The following MEIG1 variants were observed in gnomAD, a reference collection of about 807,000 sequenced individuals.
MEIG1 encodes the protein meiosis expressed gene 1 protein homolog.
MEIG1 carries 12 observed loss-of-function variants against 11.3 expected under a neutral mutation model. That is an observed-to-expected ratio of 1.07 (90% CI 0.68 to 1.73). MEIG1 has a LOEUF of 1.73. Among genes scored for constraint, MEIG1 ranks in the 40% most tolerant of loss-of-function variants. MEIG1 has a pLI of 0.00. For synonymous variants in MEIG1, 41 were observed against 33.2 expected, an observed-to-expected ratio of 1.24 and a Z score of -0.81; for missense variants, 119 against 104.9, an observed-to-expected ratio of 1.13 and a Z score of -0.59.
rs773670620 is a variant in MEIG1 at position 14,966,491 on chromosome 10, C to T, written c.23C>T (p.Pro8Leu). MASSDVK[P>L]KSVSHAKKWS... ...ACCATGGCTAGTTCTGACGTAAAAC[C>T]AAAATCAGTAAGTCATGCCAAAAAA... The change falls in exon 2 of 3, where the codon CCA becomes CTA. Residue 8 changes from proline (P) to leucine (L), a missense_variant. Physicochemically the swap from Pro to Leu is moderately conservative, Grantham distance 98 (BLOSUM62 -3). Coordinates refer to ENST00000407572, the MANE Select transcript of MEIG1 (RefSeq NM_001080836.3). 1 of 1,608,822 alleles carries T rather than the reference C, an allele frequency of 6.2e-7. No homozygotes were observed. Among genetic ancestry groups the T allele is most frequent in the Non-Finnish European group, 8.5e-7 (1 of 1,178,074 alleles).
downstream of MEIG1, among the ~76,000 whole-genome samples, chr10:14,974,677 GATA>G (rs936292665): frequency 8.6e-5 from 13 of 151,944 alleles, no homozygotes; most frequent in East Asian, 3.9e-4. Context: ...AATCAATAGC[GATA>G]ATAATGATAA....
chr10:14,966,308 T>C (rs4237442), intron 1 of MEIG1, 132 bp from the exon 2 acceptor site: 333,430 of 436,522 alleles, frequency 0.76, 128,335 homozygotes, highest in African/African-American at 0.92. Context: ...ATGATCCACC[T>C]GCCTCAGCCT....
At chr10:14,963,822 G>T (rs1843044189) in intron 1 of MEIG1, among the ~76,000 whole-genome samples, 1 of 152,196 alleles carries the variant, frequency 6.6e-6, no homozygotes, top group Non-Finnish European at 1.5e-5. Context: ...AATTTGGCAA[G>T]GCGTGGTGGC....
chr10:14,963,697 G>A (rs1843042188), intron 1 of MEIG1, among the ~76,000 whole-genome samples: 1 of 152,144 alleles, frequency 6.6e-6, no homozygotes, highest in South Asian at 2.1e-4. Flanking sequence ...GGGTGCGGTG[G>A]CTTACACCTG....
At chr10:14,957,673 G>T (rs1842965703), upstream of MEIG1, among the ~76,000 whole-genome samples, 1 of 152,120 alleles carries the variant, frequency 6.6e-6, no homozygotes, top group African/African-American at 2.4e-5. Context: ...CTCCCTCTAT[G>T]CCCAGGCTGG....
chr10:14,987,508 T>A, intron 2 of MEIG1: 1 of 702,886 alleles, frequency 1.4e-6, no homozygotes, highest in Admixed American at 2.0e-5. Flanking sequence ...CAGCCCTTAA[T>A]GTTGGATGCA....
At chr10:14,958,989 T>A (rs1054047432), upstream of MEIG1, among the ~76,000 whole-genome samples, 1 of 152,066 alleles carries the variant, frequency 6.6e-6, no homozygotes, top group Non-Finnish European at 1.5e-5. Flanking sequence ...TAGATAATGC[T>A]AGAAAAAATA....
At chr10:14,961,470 C>A (rs988672639) in intron 1 of MEIG1, among the ~76,000 whole-genome samples, 4 of 151,668 alleles carry the variant, frequency 2.6e-5, no homozygotes, top group African/African-American at 7.3e-5. Context: ...TTTTAGATGT[C>A]AAATTTATTT....
chr10:14,965,578 T>A (rs1439213884), intron 1 of MEIG1, among the ~76,000 whole-genome samples: 13 of 152,020 alleles, frequency 8.6e-5, no homozygotes. Flanking sequence ...GCAATTGGGA[T>A]GTCTCCAAGC....
At chr10:14,961,593 C>T (rs1168852567) in intron 1 of MEIG1, among the ~76,000 whole-genome samples, 1 of 150,010 alleles carries the variant, frequency 6.7e-6, no homozygotes, top group Non-Finnish European at 1.5e-5. Flanking sequence ...GCCTCAGCCT[C>T]CCGAAGTAGC....
downstream of MEIG1, among the ~76,000 whole-genome samples, chr10:14,974,767 T>G (rs1391871484): frequency 2.0e-5 from 3 of 152,102 alleles, no homozygotes; most frequent in African/African-American, 7.2e-5. Flanking sequence ...TATTAATAAC[T>G]GATATTGATC....
chr10:14,956,344 C>T (rs567161679), upstream of MEIG1, among the ~76,000 whole-genome samples: 12 of 151,958 alleles, frequency 7.9e-5, no homozygotes, highest in Non-Finnish European at 1.3e-4. Context: ...TTTGGGAGGC[C>T]GACGCAGGTG....
downstream of MEIG1, among the ~76,000 whole-genome samples, chr10:14,974,394 C>CCTTCT (rs1843188713): frequency 6.6e-6 from 1 of 152,092 alleles, no homozygotes; most frequent in African/African-American, 2.4e-5. Flanking sequence ...TGTGGCTTTT[C>CCTTCT]GGTAGAGGGC....
downstream of MEIG1, among the ~76,000 whole-genome samples, chr10:14,974,888 G>C (rs567059235): frequency 5.0e-4 from 76 of 152,030 alleles, no homozygotes; most frequent in Non-Finnish European, 9.6e-4. Context: ...ATTGGTAATA[G>C]ATATTCATGT....
downstream of MEIG1, among the ~76,000 whole-genome samples, chr10:14,977,373 A>G (rs1031897265): frequency 4.0e-5 from 6 of 151,168 alleles, no homozygotes; most frequent in Admixed American, 2.0e-4. Context: ...GCAGGATATT[A>G]CTACTAATGC....
chr10:14,976,059 G>A (rs61705588), downstream of MEIG1, among the ~76,000 whole-genome samples: 1 of 152,090 alleles, frequency 6.6e-6, no homozygotes, highest in Non-Finnish European at 1.5e-5. Flanking sequence ...GGACCGGGGG[G>A]TGATATTACT....
rs535622179 is a variant in MEIG1 at position 14,985,157 on chromosome 10, G to A, written n.67-1639G>A. ...TACACAGAGTCACACAGTGATAGGA[G>A]TTGTAATATTCTAGAGATATGTTAC... is the stretch of plus-strand genomic sequence containing the variant. On this transcript the variant is annotated intron_variant and non_coding_transcript_variant, in intron 1 of 2. Transcript: ENST00000467536. Among the ~76,000 whole-genome samples the A allele has an allele frequency of 1.2e-4, 19 of 152,112 alleles. No homozygotes were observed. The South Asian group carries it at 4.0e-3, about 32-fold the overall frequency.
chr10:14,970,979 T>C (rs77550369), intron 2 of MEIG1, among the ~76,000 whole-genome samples: 16 of 152,112 alleles, frequency 1.1e-4, no homozygotes, highest in Non-Finnish European at 2.2e-4. Flanking sequence ...AGTGGTGAAA[T>C]ACATTAACCT....
downstream of MEIG1, among the ~76,000 whole-genome samples, chr10:14,974,519 AG>A (rs1843190125): frequency 6.6e-6 from 1 of 152,074 alleles, no homozygotes; most frequent in Admixed American, 6.6e-5. Flanking sequence ...CTGCTCTCTC[AG>A]GGGCATTTGG....
Sources: gnomAD v4.1 joint callset for allele counts (sites outside exome capture counted in the v4.1 genomes callset) on GRCh38, gnomAD v4.1.1 for gene constraint, MANE v1.5 for transcripts, NCBI Gene and HGNC (gene_info 2026-07-23, HGNC 2026-07-21) for gene names.